HIVEP3: variants seen among roughly 807,000 people sequenced by gnomAD.
HIVEP3 encodes HIVEP zinc finger 3.
HIVEP3 carries 49 observed loss-of-function variants against 152.8 expected under a neutral mutation model. The ratio of observed to expected loss-of-function variants is 0.32; its 90% CI spans 0.26 to 0.41. The LOEUF (loss-of-function observed/expected upper bound fraction) is 0.41. Among genes scored for constraint, HIVEP3 ranks in the 10% least tolerant of loss-of-function variants. The pLI is 1.00. For missense variants in HIVEP3, 2,790 were observed against 3,103.3 expected (o/e 0.90, Z 2.40); for synonymous variants, 1,269 against 1,289.0 (o/e 0.98, Z 0.33).
intron 2 of HIVEP3, among the ~76,000 whole-genome samples, chr1:41,670,214 T>G (rs1218070557): frequency 6.6e-6 from 1 of 152,120 alleles, no homozygotes; most frequent in Non-Finnish European, 1.5e-5. Context: ...CACACCCATG[T>G]CCTCATGGGT....
intron 3 of HIVEP3, among the ~76,000 whole-genome samples, chr1:41,597,036 T>C (rs1162269279): frequency 1.3e-5 from 2 of 152,140 alleles, no homozygotes; most frequent in Non-Finnish European, 2.9e-5. Flanking sequence ...TTAAATCATT[T>C]CCCTTGGATG....
intron 3 of HIVEP3, among the ~76,000 whole-genome samples, chr1:41,595,518 G>A (rs1359012514): frequency 1.3e-5 from 2 of 152,190 alleles, no homozygotes; most frequent in Non-Finnish European, 2.9e-5. Context: ...ACCCTTGTTT[G>A]AGCTGGGTTT....
At chr1:41,587,585 A>G (rs565222725) in intron 3 of HIVEP3, among the ~76,000 whole-genome samples, 4 of 152,392 alleles carry the variant, frequency 2.6e-5, no homozygotes, top group South Asian at 4.1e-4. Flanking sequence ...ATAAGTGCCA[A>G]CTGTCTCTGG....
chr1:41,690,117 G>A (rs1456491677), intron 2 of HIVEP3, among the ~76,000 whole-genome samples: 1 of 152,190 alleles, frequency 6.6e-6, no homozygotes, highest in Non-Finnish European at 1.5e-5. Flanking sequence ...TTTGGGTGCT[G>A]GGAAAAAATG....
chr1:42,024,588 G>A (rs1645571984), intron 1 of HIVEP3, among the ~76,000 whole-genome samples: 1 of 151,972 alleles, frequency 6.6e-6, no homozygotes, highest in African/African-American at 2.4e-5. Flanking sequence ...TGCTATTGTT[G>A]TCTTTCATTT....
chr1:41,536,843 A>G (rs1643413555), intron 5 of HIVEP3, among the ~76,000 whole-genome samples: 1 of 152,186 alleles, frequency 6.6e-6, no homozygotes. Context: ...ACACAGGAGA[A>G]AACAGTCCCA....
chr1:41,997,354 G>A (rs1289882253), intron 1 of HIVEP3, among the ~76,000 whole-genome samples: 2 of 152,160 alleles, frequency 1.3e-5, no homozygotes, highest in Non-Finnish European at 2.9e-5. Flanking sequence ...GCTAACGGGG[G>A]AGGAGCTTCA....
chr1:41,659,044 A>G (rs975496271), intron 2 of HIVEP3, among the ~76,000 whole-genome samples: 3 of 152,162 alleles, frequency 2.0e-5, no homozygotes, highest in African/African-American at 7.2e-5. Flanking sequence ...TTGAACCAGG[A>G]AGATAAGTAG....
intron 1 of HIVEP3, among the ~76,000 whole-genome samples, chr1:41,895,486 A>C (rs909152281): frequency 6.6e-6 from 1 of 152,246 alleles, no homozygotes; most frequent in Non-Finnish European, 1.5e-5. Context: ...ACCAAAAAGC[A>C]GGACCAGACT....
At chr1:41,602,571 C>T (rs116776578) in intron 3 of HIVEP3, among the ~76,000 whole-genome samples, 1,718 of 152,140 alleles carry the variant, frequency 0.011, 33 homozygotes, top group African/African-American at 0.04. Context: ...TCTGTGGCAT[C>T]AGTTGTGATG....
At chr1:41,713,511 G>A (rs1432314211) in intron 1 of HIVEP3, among the ~76,000 whole-genome samples, 2 of 152,356 alleles carry the variant, frequency 1.3e-5, no homozygotes, top group East Asian at 3.9e-4. Context: ...CCCTGGGCAA[G>A]TTAACTTTTT....
intron 2 of HIVEP3, among the ~76,000 whole-genome samples, chr1:41,667,538 G>T (rs534324914): frequency 6.6e-6 from 1 of 152,334 alleles, no homozygotes; most frequent in African/African-American, 2.4e-5. Flanking sequence ...GTGAGAACAG[G>T]TTTTCCCCAA....
intron 1 of HIVEP3, among the ~76,000 whole-genome samples, chr1:41,977,182 G>A (rs936444088): frequency 2.6e-5 from 4 of 152,060 alleles, no homozygotes; most frequent in African/African-American, 9.7e-5. Flanking sequence ...GGTGGAGAGA[G>A]GGAGAGAAAC....
chr1:42,006,385 C>A (rs910576836), intron 1 of HIVEP3, among the ~76,000 whole-genome samples: 1 of 152,154 alleles, frequency 6.6e-6, no homozygotes, highest in Non-Finnish European at 1.5e-5. Context: ...GACCTCCTTA[C>A]ATTCTTAAAA....
At chr1:41,721,200 T>C (rs1407309130) in intron 1 of HIVEP3, among the ~76,000 whole-genome samples, 1 of 147,452 alleles carries the variant, frequency 6.8e-6, no homozygotes, top group African/African-American at 2.7e-5. Flanking sequence ...ACATTCTTAC[T>C]GCAATTTTTT....
chr1:41,527,241 C>CCCTTACATG (rs1642997841), intron 5 of HIVEP3, among the ~76,000 whole-genome samples: 1 of 103,206 alleles, frequency 9.7e-6, no homozygotes, highest in Non-Finnish European at 2.0e-5. Context: ...CACACACTCA[C>CCCTTACATG]CTCACACACA....
intron 5 of HIVEP3, among the ~76,000 whole-genome samples, chr1:41,548,162 G>A (rs1643849818): frequency 6.6e-6 from 1 of 152,194 alleles, no homozygotes; most frequent in African/African-American, 2.4e-5. Context: ...CAGTCCAGGA[G>A]GTGCCAGAAC....
intron 1 of HIVEP3, among the ~76,000 whole-genome samples, chr1:42,034,032 T>C (rs1016661706): frequency 1.3e-5 from 2 of 152,248 alleles, no homozygotes; most frequent in Non-Finnish European, 2.9e-5. Flanking sequence ...CTACCTCTAA[T>C]GTAACACCCA....
At chr1:41,678,406 G>A (rs1254805286) in intron 2 of HIVEP3, among the ~76,000 whole-genome samples, 1 of 152,162 alleles carries the variant, frequency 6.6e-6, no homozygotes, top group East Asian at 1.9e-4. Flanking sequence ...TCTTTTAGAA[G>A]TCCCATTCCC....
Sources: allele counts gnomAD v4.1 joint callset (sites outside exome capture counted in the v4.1 genomes callset), GRCh38; gene constraint gnomAD v4.1.1; transcripts MANE v1.5; gene names NCBI Gene and HGNC (gene_info 2026-07-23, HGNC 2026-07-21).